Variants in ZNF586 observed in about 807,000 individuals in gnomAD.
The protein encoded by ZNF586 is zinc finger protein 586.
In ZNF586, 7 loss-of-function variants were observed where a neutral mutation model predicts 6.7. That is an observed-to-expected ratio of 1.04 (90% confidence interval 0.59 to 1.95). The LOEUF (loss-of-function observed/expected upper bound fraction) is 1.95. ZNF586 is among the 30% of genes most tolerant of loss of function. The probability of loss-of-function intolerance (pLI) is 0.00; values close to 1 mark genes in which losing one functional copy is unlikely to be tolerated. For synonymous variants in ZNF586, 166 were observed against 168.7 expected, an observed-to-expected ratio of 0.98 and a Z score of 0.12; for missense variants, 442 against 489.6, an observed-to-expected ratio of 0.90 and a Z score of 0.92.
Position 57,779,800 on chromosome 19 carries a change from A to C in ZNF586, c.*4A>C. On this transcript the variant is annotated 3_prime_UTR_variant, in exon 3 of 3. Transcript: ENST00000396154. ...TGGAATGAGGCCTTATAAGTGAAGC[A>C]AATTTTGGAAATTCTCTTGCCCAGG... 6.4e-7 allele frequency: 1 copy of C among 1,560,198 alleles called. No individual in the cohort carries two copies. The highest frequency in any genetic ancestry group is 8.7e-7 in the Non-Finnish European group (1 of 1,155,040).
In ZNF586 at chr19:57,779,229, C is replaced by T. The variant is rs749277307; in HGVS notation, c.642C>T (p.Ser214=). The T allele has an allele frequency of 3.1e-6, 5 of 1,614,060 alleles. No individual in the cohort carries two copies. In the South Asian group the frequency reaches 3.3e-5, roughly 11 times the overall value. Reference sequence around the variant, plus strand: ...ATGAATGCAATGAATGTGGGAAGTCCTTTGCTTATACATCTAGTCTCATTA... The same window carrying T: ...ATGAATGCAATGAATGTGGGAAGTCTTTTGCTTATACATCTAGTCTCATTA... ...KRYECNECGK[S]FAYTSSLIKH... is the part of the protein sequence containing the mutation. Residue 214 remains serine (S), a synonymous_variant, in exon 3 of 3, where the codon TCC becomes TCT. Coordinates refer to ENST00000396154, the MANE Select transcript of ZNF586 (RefSeq NM_017652.4).
chr19:57,770,157 C>CTTTT (rs56139513), intron 1 of ZNF586, among the ~76,000 whole-genome samples: 2,101 of 128,158 alleles, frequency 0.016, 62 homozygotes, highest in Admixed American at 0.043. Context: ...GGAGTTATTT[C>CTTTT]TTTTTTTTTT....
In ZNF586 at chr19:57,779,411, C is replaced by G; in HGVS notation, c.824C>G (p.Ser275Cys). 1 of 1,613,748 alleles carries G rather than the reference C, an allele frequency of 6.2e-7. No individual in the cohort carries two copies. Among genetic ancestry groups the G allele is most frequent in the Non-Finnish European group, 8.5e-7 (1 of 1,179,984 alleles). Residue 275 changes from serine (S) to cysteine (C), a missense_variant, in exon 3 of 3, where the codon TCT becomes TGT. By Grantham distance (112) the Ser-to-Cys change is moderately radical (BLOSUM62 -1). Coordinates refer to ENST00000396154, the MANE Select transcript of ZNF586 (RefSeq NM_017652.4). The part of the protein sequence containing the change: ...VECGKSFRRS[S>C]SLLQHQRVHT... Reference sequence around the variant, plus strand: ...TGTGGAAAATCATTTCGCCGAAGCTCTTCACTCTTGCAGCATCAGAGAGTT... The same window carrying G: ...TGTGGAAAATCATTTCGCCGAAGCTGTTCACTCTTGCAGCATCAGAGAGTT...
chr19:57,775,620 T>TC (rs1987215872), intron 1 of ZNF586, among the ~76,000 whole-genome samples: 1 of 149,470 alleles, frequency 6.7e-6, no homozygotes, highest in African/African-American at 2.5e-5. Context: ...TTTTTTTTTT[T>TC]GAGACAGGGT....
chr19:57,776,774 GTTCT>G, intron 2 of ZNF586, 105 bp downstream of exon 2: 4 of 1,332,350 alleles, frequency 3.0e-6, no homozygotes, highest in Non-Finnish European at 3.0e-6. Context: ...TCATTCTCCA[GTTCT>G]CTGGAGAGGT....
intron 1 of ZNF586, among the ~76,000 whole-genome samples, chr19:57,775,885 C>T (rs890084603): frequency 1.6e-4 from 25 of 152,086 alleles, no homozygotes; most frequent in Non-Finnish European, 2.4e-4. Flanking sequence ...TACAGGCGTG[C>T]GCCACCGCGC....
At chr19:57,777,743 A>ATTT (rs1394382756) in intron 2 of ZNF586, among the ~76,000 whole-genome samples, 2 of 101,950 alleles carry the variant, frequency 2.0e-5, no homozygotes, top group African/African-American at 8.4e-5. Context: ...GTATATACCC[A>ATTT]TTCTTTTTTT....
intron 1 of ZNF586, among the ~76,000 whole-genome samples, chr19:57,770,658 A>G (rs1291811411): frequency 1.3e-5 from 2 of 152,212 alleles, no homozygotes; most frequent in South Asian, 2.1e-4. Context: ...GTCTGAAGTC[A>G]TCTGGCTGCA....
In ZNF586 at chr19:57,779,068, C is replaced by T; in HGVS notation, c.481C>T (p.Gln161Ter). ...CAGTGAGTGTGGAAAATCATTTCACCAAAGCTCTTCACTCTTGCAGCGTCA... is the reference window on the plus strand; with the variant it reads ...CAGTGAGTGTGGAAAATCATTTCACTAAAGCTCTTCACTCTTGCAGCGTCA... ...ECSECGKSFH[Q>*]SSSLLQRQTL... Residue 161 changes from glutamine (Q) to a stop codon, truncating the protein, a stop_gained, in exon 3 of 3, where the codon CAA becomes TAA. Transcript: ENST00000396154. LOFTEE classifies it low-confidence loss of function (END_TRUNC). The T allele has an allele frequency of 6.2e-7, 1 of 1,613,888 alleles. No individual in the cohort carries two copies. Among genetic ancestry groups the T allele is most frequent in the Non-Finnish European group, 8.5e-7 (1 of 1,179,978 alleles).
chr19:57,774,297 C>T (rs1362448580), intron 1 of ZNF586, among the ~76,000 whole-genome samples: 2 of 147,878 alleles, frequency 1.4e-5, no homozygotes, highest in Non-Finnish European at 3.0e-5. Flanking sequence ...CTGAGGTGGG[C>T]GGATCACTTG....
rs7255638 is a variant in ZNF586 at position 57,778,641 on chromosome 19, T to C, written c.164-110T>C. ...CTCAACCTGAACCCAACTCCCTGTT[T>C]GTGCAAATAATTCCATAGACTAGTT... On this transcript the variant is annotated intron_variant, in intron 2 of 2. Transcript: ENST00000396154. The C allele has an allele frequency of 0.046, 46,532 of 1,017,690 alleles. 7,941 individuals are homozygous for C. The African/African-American group carries it at 0.49, about 11-fold the overall frequency. The allele number at this position is 1,017,690 out of a possible 1,614,324, so 63.0% of individuals were successfully genotyped here.
rs1054630699 is a variant in ZNF586, at chr19:57,780,080, A to T, written c.*284A>T. The T allele has an allele frequency of 7.2e-6, 3 of 419,272 alleles. No homozygotes were observed. The highest frequency in any genetic ancestry group is 8.3e-5 in the Admixed American group (2 of 24,156). 26.0% of individuals were successfully genotyped at this position (419,272 alleles called of 1,614,324 possible). A position where few individuals can be genotyped will look rare whatever the true frequency, so the allele number is the denominator to read the frequency against. Reference sequence around the variant, plus strand: ...TTTTCTTCAATATAACACTGGAGGAAACCCCTTATGAGGATGCCATCTGCC... The same window carrying T: ...TTTTCTTCAATATAACACTGGAGGATACCCCTTATGAGGATGCCATCTGCC... On this transcript the variant is annotated 3_prime_UTR_variant, in exon 3 of 3. Coordinates refer to ENST00000396154, the MANE Select transcript of ZNF586 (RefSeq NM_017652.4).
chr19:57,775,600 CTTT>C (rs563657252), intron 1 of ZNF586, among the ~76,000 whole-genome samples: 12 of 122,746 alleles, frequency 9.8e-5, no homozygotes, highest in Admixed American at 8.9e-5. Flanking sequence ...CCTGGTTGCT[CTTT>C]TTTTTTTTTT....
At position 57,780,198 on chromosome 19, in the gene ZNF586, C is replaced by A. The variant is rs950932465; in HGVS notation, c.*402C>A. The A allele has an allele frequency of 1.1e-5, 2 of 180,222 alleles. No homozygotes were observed. Among genetic ancestry groups the A allele is most frequent in the African/African-American group, 2.4e-5 (1 of 42,054 alleles). The allele number at this position is 180,222 out of a possible 1,614,324, so 11.2% of individuals were successfully genotyped here. ...CGACCTGCCCAGGTCTCTTGCTAGA[C>A]TTCTGTGACTTACAGTTCTCTTCTA... is the stretch of plus-strand genomic sequence containing the variant. On this transcript the variant is annotated 3_prime_UTR_variant, in exon 3 of 3. Transcript: ENST00000396154.
At chr19:57,774,453 G>T (rs978455320) in intron 1 of ZNF586, among the ~76,000 whole-genome samples, 3 of 151,728 alleles carry the variant, frequency 2.0e-5, no homozygotes, top group Middle Eastern at 6.8e-3. Context: ...AACCTGGGAG[G>T]TGGAGGTTGC....
chr19:57,771,315 A>AAG (rs1358735649), intron 1 of ZNF586, among the ~76,000 whole-genome samples: 10 of 116,504 alleles, frequency 8.6e-5, no homozygotes, highest in Non-Finnish European at 1.3e-4. Flanking sequence ...AAAAAAAAAA[A>AAG]AGAGAGAGAG....
At chr19:57,775,425 G>A (rs1362371876) in intron 1 of ZNF586, among the ~76,000 whole-genome samples, 1 of 152,112 alleles carries the variant, frequency 6.6e-6, no homozygotes, top group Non-Finnish European at 1.5e-5. Context: ...AACCCAGGAA[G>A]TTCAGGCTGC....
At chr19:57,774,312 C>T (rs569884035) in intron 1 of ZNF586, among the ~76,000 whole-genome samples, 143 of 150,198 alleles carry the variant, frequency 9.5e-4, no homozygotes, top group African/African-American at 3.3e-3. Flanking sequence ...CACTTGAGGT[C>T]GGGAGTTGGA....
rs753778547 is a variant in ZNF586, at chr19:57,769,826, C to CT, written c.-17_-16insT. On this transcript the variant is annotated 5_prime_UTR_variant, in exon 1 of 3. Coordinates refer to ENST00000396154, the MANE Select transcript of ZNF586 (RefSeq NM_017652.4). Reference sequence around the variant, plus strand: ...CAGGAACACCGCCGAGCCCGCGTTCCCCCCCCGCCCAGAGTCATGGCGGCA... The same window carrying CT: ...CAGGAACACCGCCGAGCCCGCGTTCCTCCCCCCGCCCAGAGTCATGGCGGCA... The CT allele has an allele frequency of 3.2e-6, 5 of 1,543,950 alleles. No individual in the cohort carries two copies. The South Asian group carries it at 3.6e-5, about 11-fold the overall frequency.
Sources: gnomAD v4.1 joint callset for allele counts (sites outside exome capture counted in the v4.1 genomes callset) on GRCh38, gnomAD v4.1.1 for gene constraint, MANE v1.5 for transcripts, NCBI Gene and HGNC (gene_info 2026-07-23, HGNC 2026-07-21) for gene names.